LRRIQ1: variants seen among roughly 807,000 people sequenced by gnomAD.
LRRIQ1 encodes the protein leucine-rich repeat- and IQ domain-containing protein 1.
Under a neutral mutation model 211.9 loss-of-function variants are expected in LRRIQ1, and 210 were observed. The ratio of observed to expected loss-of-function variants is 0.99; its 90% CI spans 0.89 to 1.11. The LOEUF (loss-of-function observed/expected upper bound fraction) is 1.11. Ranked by LOEUF, LRRIQ1 falls within the 50% of genes most tolerant of loss-of-function variation. LRRIQ1 has a pLI of 0.00. For missense variants in LRRIQ1, 2,136 were observed against 1,939.5 expected, an observed-to-expected ratio of 1.10 and a Z score of -1.90; for synonymous variants, 699 against 650.1, an observed-to-expected ratio of 1.08 and a Z score of -1.14.
intron 26 of LRRIQ1, 71 bp from the exon 27 acceptor site, chr12:85,244,718 A>G (rs776064640): frequency 2.3e-6 from 3 of 1,287,376 alleles, no homozygotes; most frequent in Non-Finnish European, 3.4e-6. Context: ...TATTTGGGGT[A>G]ATGTGAGCTG....
rs1401883539 is a variant in LRRIQ1 at position 85,073,061 on chromosome 12, A to G, written c.2850A>G (p.Ser950=). The G allele has an allele frequency of 6.2e-7, 1 of 1,608,864 alleles. No homozygotes were observed. The highest frequency in any genetic ancestry group is 8.5e-7 in the Non-Finnish European group (1 of 1,177,250). Residue 950 remains serine, a synonymous_variant, in exon 11 of 27, where the codon TCA becomes TCG. Transcript: ENST00000393217. ...CTATTACCTCACTTACAAAAAATTC[A>G]GATTGTAATTTCCTTATCTCCCACT... ...WIPITSLTKN[S]DCNFLISHLY...
intron 6 of LRRIQ1, among the ~76,000 whole-genome samples, chr12:85,050,506 A>G (rs1880177292): frequency 6.6e-6 from 1 of 152,176 alleles, no homozygotes; most frequent in African/African-American, 2.4e-5. Flanking sequence ...CTTAATTTTG[A>G]TAAGCCACAC....
intron 19 of LRRIQ1, among the ~76,000 whole-genome samples, chr12:85,151,967 T>C (rs2136665464): frequency 6.6e-6 from 1 of 151,814 alleles, no homozygotes; most frequent in African/African-American, 2.4e-5. Flanking sequence ...TTTACTCAGT[T>C]CCATCTAGAT....
At chr12:85,259,576 C>A (rs1896226321) in intron 1 of LRRIQ1, among the ~76,000 whole-genome samples, 3 of 152,040 alleles carry the variant, frequency 2.0e-5, no homozygotes, top group Admixed American at 6.6e-5. Context: ...GATTACTGCT[C>A]AAATTGTTAC....
intron 11 of LRRIQ1, among the ~76,000 whole-genome samples, chr12:85,077,149 C>T (rs1883751739): frequency 6.6e-6 from 1 of 152,138 alleles, no homozygotes; most frequent in Non-Finnish European, 1.5e-5. Flanking sequence ...AGTGAAAAAC[C>T]TCCAGCCTAA....
chr12:85,247,313 ATT>A (rs1323994855), downstream of LRRIQ1, among the ~76,000 whole-genome samples: 5 of 151,578 alleles, frequency 3.3e-5, no homozygotes, highest in African/African-American at 7.3e-5. Flanking sequence ...CTGTCTCAAA[ATT>A]TGTCACCTTA....
intron 24 of LRRIQ1, among the ~76,000 whole-genome samples, chr12:85,187,104 A>G (rs543652573): frequency 7.9e-4 from 120 of 152,224 alleles, no homozygotes; most frequent in African/African-American, 2.7e-3. Context: ...ATATTTTTCT[A>G]TGCTTCCCAA....
In LRRIQ1 at chr12:85,185,188, C is replaced by G. The variant is rs531934910; in HGVS notation, c.4822+24474C>G. On this transcript the variant is annotated intron_variant, in intron 24 of 26. Transcript: ENST00000393217. ...TTTTATTGATAATATATCAATTATA[C>G]ACTCGGAAAGATAGAATTTCACTCT... Among the ~76,000 whole-genome samples, 44 of 151,962 alleles carry G rather than the reference C, an allele frequency of 2.9e-4. No individual in the cohort carries two copies. In the South Asian group the frequency reaches 8.9e-3, roughly 31 times the overall value.
At chr12:85,237,681 G>A (rs914606916) in intron 26 of LRRIQ1, among the ~76,000 whole-genome samples, 7 of 152,046 alleles carry the variant, frequency 4.6e-5, no homozygotes, top group African/African-American at 1.2e-4. Flanking sequence ...TTAGGAAGGG[G>A]TGACTCTAGC....
At chr12:85,098,755 A>C (rs978534032) in intron 12 of LRRIQ1, 112 bp from the exon 13 acceptor site, 13 of 778,022 alleles carry the variant, frequency 1.7e-5, no homozygotes. Flanking sequence ...TATGATATGC[A>C]CTTTATCAGA....
At chr12:85,100,262 TTTAAG>T (rs1386839335) in intron 13 of LRRIQ1, among the ~76,000 whole-genome samples, 2 of 151,738 alleles carry the variant, frequency 1.3e-5, no homozygotes, top group African/African-American at 4.8e-5. Context: ...ATTTGGGCAA[TTTAAG>T]TTATCAAAGA....
intron 17 of LRRIQ1, among the ~76,000 whole-genome samples, chr12:85,127,484 T>G (rs1888448454): frequency 6.6e-6 from 1 of 152,154 alleles, no homozygotes; most frequent in South Asian, 2.1e-4. Context: ...AAACATTGGC[T>G]CCTACATTTG....
At chr12:85,259,187 C>G (rs914134145) in intron 1 of LRRIQ1, among the ~76,000 whole-genome samples, 2 of 151,908 alleles carry the variant, frequency 1.3e-5, no homozygotes, top group African/African-American at 4.8e-5. Flanking sequence ...AACATAAAAT[C>G]TATAACAATA....
chr12:85,056,094 A>T lies in LRRIQ1; in HGVS notation c.1301A>T (p.Gln434Leu), dbSNP rs1253332003. The change falls in exon 8 of 27, where the codon CAG (glutamine) becomes CTG (leucine). Residue 434 changes from glutamine to leucine, a missense_variant. Transcript: ENST00000393217. ...CTAGTGGATGAAAATTCAAAGAAGCAGGAAGATGTTCTCCTTTGGCTAGTT... is the reference window on the plus strand; with the variant it reads ...CTAGTGGATGAAAATTCAAAGAAGCTGGAAGATGTTCTCCTTTGGCTAGTT... ...KNLVDENSKK[Q>L]EDVLLWLVEE... The T allele has an allele frequency of 6.2e-7, 1 of 1,600,296 alleles. No individual in the cohort carries two copies. Among genetic ancestry groups the T allele is most frequent in the South Asian group, 1.1e-5 (1 of 87,396 alleles).
chr12:85,250,867 TTA>T (rs1164673115), intron 1 of LRRIQ1, among the ~76,000 whole-genome samples: 1 of 99,590 alleles, frequency 1.0e-5, no homozygotes, highest in Non-Finnish European at 1.9e-5. Context: ...ATATTATAGA[TTA>T]TATATTATAT....
intron 18 of LRRIQ1, among the ~76,000 whole-genome samples, chr12:85,132,265 A>G (rs905548320): frequency 1.2e-4 from 18 of 152,110 alleles, no homozygotes; most frequent in Non-Finnish European, 2.4e-4. Flanking sequence ...TAGGTAAAAA[A>G]AAAAGATATG....
chr12:85,197,175 A>G (rs1000524034), intron 24 of LRRIQ1, among the ~76,000 whole-genome samples: 28 of 152,278 alleles, frequency 1.8e-4, no homozygotes, highest in African/African-American at 6.7e-4. Context: ...AAGTCAGGAA[A>G]CAACAGGTGC....
At chr12:85,104,212 A>C (rs1886609474) in intron 14 of LRRIQ1, 135 bp downstream of exon 14, 3 of 420,620 alleles carry the variant, frequency 7.1e-6, no homozygotes. Context: ...GCATGCTGAA[A>C]TAATTCACTT....
intron 25 of LRRIQ1, among the ~76,000 whole-genome samples, chr12:85,230,523 A>G (rs915018909): frequency 1.3e-5 from 2 of 152,064 alleles, no homozygotes; most frequent in Admixed American, 6.6e-5. Flanking sequence ...CCTCTTTCCA[A>G]TCTCTAAGTA....
Sources: gnomAD v4.1 joint callset for allele counts (sites outside exome capture counted in the v4.1 genomes callset) on GRCh38, gnomAD v4.1.1 for gene constraint, MANE v1.5 for transcripts, NCBI Gene and HGNC (gene_info 2026-07-23, HGNC 2026-07-21) for gene names.